Variants in MORN4 observed in about 807,000 individuals in gnomAD.
The protein encoded by MORN4 is MORN repeat-containing protein 4.
MORN4 carries 8 observed loss-of-function variants against 16.4 expected under a neutral mutation model. That is an observed-to-expected ratio of 0.49 (90% CI 0.29 to 0.88). The LOEUF is 0.88. Ranked by LOEUF, MORN4 falls within the 40% of genes least tolerant of loss-of-function variation. The pLI is 0.09. For missense variants in MORN4, 159 were observed against 182.9 expected, an observed-to-expected ratio of 0.87 and a Z score of 0.75; for synonymous variants, 53 against 68.9, an observed-to-expected ratio of 0.77 and a Z score of 1.14.
intron 1 of MORN4, 53 bp from the exon 2 acceptor site, chr10:97,619,736 G>A: frequency 7.0e-7 from 1 of 1,419,408 alleles, no homozygotes; most frequent in East Asian, 2.3e-5. Context: ...GGGAGGAAAG[G>A]ACTGCAAGGC....
chr10:97,630,520 G>A (rs1399277732), intron 1 of MORN4, among the ~76,000 whole-genome samples: 1 of 152,124 alleles, frequency 6.6e-6, no homozygotes, highest in Non-Finnish European at 1.5e-5. Flanking sequence ...TTTGACTTAG[G>A]CACATATAGC....
chr10:97,622,858 C>CATTTATTTATTTATTTATTTATTT (rs138978764), intron 1 of MORN4, among the ~76,000 whole-genome samples: 4 of 138,446 alleles, frequency 2.9e-5, no homozygotes, highest in Admixed American at 7.3e-5. Flanking sequence ...CTTCATCTTT[C>CATTTATTTATTTATTTATTTATTT]ATTTATTTAT....
At chr10:97,628,892 A>G (rs1462812634) in intron 1 of MORN4, among the ~76,000 whole-genome samples, 4 of 152,230 alleles carry the variant, frequency 2.6e-5, no homozygotes, top group Non-Finnish European at 4.4e-5. Flanking sequence ...TATTTTAAGG[A>G]AGCCAATGAA....
intron 1 of MORN4, among the ~76,000 whole-genome samples, chr10:97,623,128 C>T (rs1404117194): frequency 2.0e-5 from 3 of 152,114 alleles, no homozygotes; most frequent in Admixed American, 2.0e-4. Flanking sequence ...TAGGCCCAAA[C>T]TCAGACTTAC....
rs138174790 is a variant in MORN4 at position 97,627,783 on chromosome 10, T to C, written c.-31+5564A>G. ...CGAGGCAAGGACCATTATCTTCTTG[T>C]AGTAAACTCCCTCCAAACCTCTGGG... On this transcript the variant is annotated intron_variant, in intron 1 of 4. Coordinates refer to ENST00000307450, the MANE Select transcript of MORN4 (RefSeq NM_178832.4). 2.8e-3 allele frequency among the ~76,000 whole-genome samples: 420 copies of C among 152,296 alleles called. 3 individuals carry two copies. The highest frequency in any genetic ancestry group is 9.8e-3 in the African/African-American group (406 of 41,554).
intron 1 of MORN4, among the ~76,000 whole-genome samples, chr10:97,624,541 C>G (rs1381653456): frequency 6.6e-6 from 1 of 152,198 alleles, no homozygotes; most frequent in Non-Finnish European, 1.5e-5. Context: ...GCTTCATCCT[C>G]TCCAGTAGCT....
At chr10:97,622,514 C>T (rs987905528) in intron 1 of MORN4, among the ~76,000 whole-genome samples, 5 of 151,788 alleles carry the variant, frequency 3.3e-5, no homozygotes, top group Non-Finnish European at 7.4e-5. Flanking sequence ...GGTGAAACCC[C>T]ATCTGTACCA....
At chr10:97,626,012 G>T (rs924843793) in intron 1 of MORN4, among the ~76,000 whole-genome samples, 1 of 150,774 alleles carries the variant, frequency 6.6e-6, no homozygotes, top group Non-Finnish European at 1.5e-5. Context: ...CTCTGGCCTT[G>T]GCCTCCGAAA....
intron 3 of MORN4, 147 bp downstream of exon 3, chr10:97,617,061 A>G: frequency 1.4e-6 from 1 of 692,108 alleles, no homozygotes; most frequent in Admixed American, 2.8e-5. Context: ...CACTTAAAAA[A>G]TAGCTAATAA....
intron 2 of MORN4, among the ~76,000 whole-genome samples, chr10:97,619,042 G>A (rs2135735583): frequency 6.6e-6 from 1 of 152,258 alleles, no homozygotes; most frequent in East Asian, 1.9e-4. Context: ...AGGCTGGCAT[G>A]GGCCGGGCAT....
chr10:97,633,503 G>A, upstream of MORN4: 1 of 1,289,814 alleles, frequency 7.8e-7, no homozygotes, highest in Non-Finnish European at 1.0e-6. The surrounding 1 kb of genome is among the most constrained non-coding windows in gnomAD (Gnocchi z 4.5). Context: ...ACCGCACTGG[G>A]TACAATTCCC....
intron 1 of MORN4, among the ~76,000 whole-genome samples, chr10:97,632,212 C>CCCT (rs1368828580): frequency 1.1e-5 from 1 of 86,974 alleles, no homozygotes; most frequent in Non-Finnish European, 2.1e-5. Flanking sequence ...TAATACTCCC[C>CCCT]TTTTTTTTTT....
chr10:97,624,092 C>T (rs1219161724), intron 1 of MORN4, among the ~76,000 whole-genome samples: 2 of 152,096 alleles, frequency 1.3e-5, no homozygotes, highest in Admixed American at 1.3e-4. Flanking sequence ...CTTCCTTTTC[C>T]TTCAAGTCCC....
At position 97,630,157 on chromosome 10, in the gene MORN4, G is replaced by A. The variant is rs1589924715; in HGVS notation, c.-31+3190C>T. 2.6e-5 allele frequency among the ~76,000 whole-genome samples: 4 copies of A among 152,222 alleles called. No individual in the cohort carries two copies. The South Asian group carries it at 8.3e-4, about 32-fold the overall frequency. ...TTAGCCAGGATGGTCTCGATCTCCT[G>A]ACCTTGTGATCCGCCTGCCTCAGCC... On this transcript the variant is annotated intron_variant, in intron 1 of 4. Transcript: ENST00000307450.
rs552412309 is a variant in MORN4 at position 97,629,912 on chromosome 10, C to T, written c.-31+3435G>A. On this transcript the variant is annotated intron_variant, in intron 1 of 4. Coordinates refer to ENST00000307450, the MANE Select transcript of MORN4 (RefSeq NM_178832.4). ...TAGCTGGGACTACAGGTGCTCGCCA[C>T]CACGCCCAGCTAATTTTTTTTTTTT... Among the ~76,000 whole-genome samples the T allele has an allele frequency of 7.9e-5, 12 of 150,996 alleles. No homozygotes were observed. The East Asian group carries it at 2.3e-3, about 29-fold the overall frequency.
intron 1 of MORN4, among the ~76,000 whole-genome samples, chr10:97,629,950 G>A (rs1405168046): frequency 1.4e-5 from 2 of 142,178 alleles, no homozygotes; most frequent in South Asian, 2.2e-4. Flanking sequence ...TTTTTGAGAC[G>A]GAGTCTTGCT....
chr10:97,619,408 T>C, intron 2 of MORN4, 179 bp downstream of exon 2: 2 of 614,932 alleles, frequency 3.3e-6, no homozygotes, highest in Admixed American at 2.8e-5. Flanking sequence ...GAATTAACAA[T>C]AGCATTTTCA....
chr10:97,623,637 G>A (rs756015922), intron 1 of MORN4, among the ~76,000 whole-genome samples: 22 of 152,170 alleles, frequency 1.4e-4, no homozygotes, highest in Admixed American at 8.5e-4. Context: ...TGAACTCCTA[G>A]GTTCAAGAGA....
chr10:97,622,830 A>G (rs1169769798), intron 1 of MORN4, among the ~76,000 whole-genome samples: 1 of 150,996 alleles, frequency 6.6e-6, no homozygotes, highest in Non-Finnish European at 1.5e-5. Context: ...TTAATTCCCT[A>G]GGTCTCTTCA....
Sources: allele counts gnomAD v4.1 joint callset (sites outside exome capture counted in the v4.1 genomes callset), GRCh38; gene constraint gnomAD v4.1.1; non-coding constraint Gnocchi (gnomAD v3.1); transcripts MANE v1.5; gene names NCBI Gene and HGNC (gene_info 2026-07-23, HGNC 2026-07-21).